The following LTBP1 variants were observed in gnomAD, a reference collection of about 807,000 sequenced individuals.
LTBP1 encodes the protein latent-transforming growth factor beta-binding protein 1.
LTBP1 carries 129 observed loss-of-function variants against 207.6 expected under a neutral mutation model. The ratio of observed to expected loss-of-function variants is 0.62; its 90% CI spans 0.54 to 0.72. The LOEUF (loss-of-function observed/expected upper bound fraction) is 0.72, where lower values mean the gene tolerates loss of function less well. LTBP1 is among the 30% of genes least tolerant of loss of function. LTBP1 has a pLI of 0.00. For missense variants in LTBP1, 2,281 were observed against 2,217.2 expected (o/e 1.03, Z -0.58); for synonymous variants, 963 against 833.7 (o/e 1.16, Z -2.67).
At chr2:33,294,428 C>G (rs1044955495) in intron 20 of LTBP1, among the ~76,000 whole-genome samples, 17 of 151,786 alleles carry the variant, frequency 1.1e-4, no homozygotes, top group African/African-American at 4.1e-4. Flanking sequence ...AATGCCTGAC[C>G]TCGGGTGATC....
At chr2:32,969,104 T>C (rs1680441809) in intron 2 of LTBP1, among the ~76,000 whole-genome samples, 1 of 151,670 alleles carries the variant, frequency 6.6e-6, no homozygotes, top group African/African-American at 2.4e-5. Context: ...TTTTGTATTT[T>C]TAGTAGAGAT....
chr2:33,268,983 T>A (rs1375265623), intron 15 of LTBP1, among the ~76,000 whole-genome samples: 1 of 152,160 alleles, frequency 6.6e-6, no homozygotes, highest in Non-Finnish European at 1.5e-5. Flanking sequence ...GACCCAAAAA[T>A]GTTTGTCCCT....
At chr2:33,273,822 C>T (rs557044538) in intron 16 of LTBP1, 41 bp downstream of exon 16, 1 of 1,530,748 alleles carries the variant, frequency 6.5e-7, no homozygotes, top group East Asian at 2.4e-5. Flanking sequence ...AAATATCAAA[C>T]ATTTGAACAT....
intron 18 of LTBP1, among the ~76,000 whole-genome samples, chr2:33,279,144 C>T (rs894710813): frequency 6.6e-6 from 1 of 152,150 alleles, no homozygotes; most frequent in Non-Finnish European, 1.5e-5. Context: ...GATACTTAAA[C>T]ATTAAATCCA....
intron 2 of LTBP1, among the ~76,000 whole-genome samples, chr2:32,958,817 G>C (rs895392302): frequency 9.9e-5 from 15 of 152,040 alleles, no homozygotes; most frequent in Non-Finnish European, 2.1e-4. Flanking sequence ...CTTTTTCAAG[G>C]GCACAACACC....
At chr2:33,384,766 A>G (rs749054498) in intron 31 of LTBP1, among the ~76,000 whole-genome samples, 1 of 152,206 alleles carries the variant, frequency 6.6e-6, no homozygotes, top group Admixed American at 6.5e-5. Context: ...TCAGCCAACC[A>G]CAGTTCATGC....
chr2:32,972,265 T>A, intron 2 of LTBP1, among the ~76,000 whole-genome samples: 1 of 114,202 alleles, frequency 8.8e-6, no homozygotes, highest in Non-Finnish European at 2.1e-5. Context: ...GTTTCATTGA[T>A]CTTTTGTGTT....
chr2:33,349,932 G>A (rs113363783), intron 26 of LTBP1, among the ~76,000 whole-genome samples: 2,325 of 152,262 alleles, frequency 0.015, 31 homozygotes, highest in Non-Finnish European at 0.025. Flanking sequence ...AAGAATAGCC[G>A]TCTGGCTCTG....
At chr2:33,163,986 A>ATTATAT (rs1321921762) in intron 5 of LTBP1, among the ~76,000 whole-genome samples, 2 of 151,814 alleles carry the variant, frequency 1.3e-5, no homozygotes, top group Non-Finnish European at 2.9e-5. Flanking sequence ...TTCTCTTAAT[A>ATTATAT]TGTCTAGTAA....
chr2:33,287,606 G>C (rs1003174162), intron 19 of LTBP1, among the ~76,000 whole-genome samples: 3 of 152,198 alleles, frequency 2.0e-5, no homozygotes, highest in Admixed American at 2.0e-4. Context: ...CCTTTGGAAA[G>C]GTGAGGTAGG....
intron 32 of LTBP1, among the ~76,000 whole-genome samples, chr2:33,393,100 T>C (rs2095329033): frequency 6.6e-6 from 1 of 152,038 alleles, no homozygotes; most frequent in Non-Finnish European, 1.5e-5. Flanking sequence ...GTTTGTTACA[T>C]AGGCAACATG....
At chr2:33,085,142 G>A (rs1240629852) in intron 3 of LTBP1, among the ~76,000 whole-genome samples, 1 of 152,022 alleles carries the variant, frequency 6.6e-6, no homozygotes, top group Admixed American at 6.5e-5. Flanking sequence ...AGAAATGGCT[G>A]GAGCCCCTAG....
At chr2:32,953,486 T>C (rs1036726850) in intron 2 of LTBP1, among the ~76,000 whole-genome samples, 2 of 152,230 alleles carry the variant, frequency 1.3e-5, no homozygotes, top group Non-Finnish European at 2.9e-5. Context: ...AATCTTGTCA[T>C]GTGACACAGA....
chr2:32,977,803 TC>T (rs928006744), intron 2 of LTBP1, among the ~76,000 whole-genome samples: 1 of 152,158 alleles, frequency 6.6e-6, no homozygotes, highest in Non-Finnish European at 1.5e-5. Flanking sequence ...GCTCTCTGTG[TC>T]CCCTTGCTGC....
At chr2:33,023,024 G>C (rs2149243442) in intron 3 of LTBP1, among the ~76,000 whole-genome samples, 1 of 152,284 alleles carries the variant, frequency 6.6e-6, no homozygotes, top group South Asian at 2.1e-4. Context: ...CTAAAGGATA[G>C]TAGTGCTTTT....
intron 3 of LTBP1, among the ~76,000 whole-genome samples, chr2:33,109,299 T>C (rs550454875): frequency 6.6e-6 from 1 of 152,328 alleles, no homozygotes; most frequent in African/African-American, 2.4e-5. Flanking sequence ...ATGGCGTCAT[T>C]TCTTCCCCTT....
chr2:33,386,885 C>T (rs1056272762), intron 31 of LTBP1, among the ~76,000 whole-genome samples: 28 of 139,604 alleles, frequency 2.0e-4, no homozygotes, highest in Non-Finnish European at 3.0e-4. Flanking sequence ...GGCTGGAGTG[C>T]AGTGGTGCAA....
chr2:32,988,245 A>G (rs2148819666), intron 2 of LTBP1, among the ~76,000 whole-genome samples: 1 of 152,358 alleles, frequency 6.6e-6, no homozygotes, highest in South Asian at 2.1e-4. Context: ...AGTTTATCAT[A>G]AATTCTTAAA....
chr2:33,293,866 C>A (rs79910170), intron 20 of LTBP1, among the ~76,000 whole-genome samples: 2,389 of 151,926 alleles, frequency 0.016, 39 homozygotes, highest in Middle Eastern at 0.1. Context: ...AACTTTTTTT[C>A]AAACGTTATT....
Sources: allele counts gnomAD v4.1 joint callset (sites outside exome capture counted in the v4.1 genomes callset), GRCh38; gene constraint gnomAD v4.1.1; transcripts MANE v1.5; gene names NCBI Gene and HGNC (gene_info 2026-07-23, HGNC 2026-07-21).